The following RBFOX1 variants were observed in gnomAD, a reference collection of about 807,000 sequenced individuals.
RBFOX1 encodes the protein RNA binding fox-1 homolog 1, also known as RNA binding protein fox-1 homolog 1.
Under a neutral mutation model 57.7 loss-of-function variants are expected in RBFOX1, and 8 were observed. The ratio of observed to expected loss-of-function variants is 0.14; its 90% confidence interval spans 0.08 to 0.25. The LOEUF (loss-of-function observed/expected upper bound fraction) is 0.25, where lower values mean the gene tolerates loss of function less well. Among genes scored for constraint, RBFOX1 ranks in the 10% least tolerant of loss-of-function variants. RBFOX1 has a pLI of 1.00. For missense variants in RBFOX1, 611 were observed against 548.5 expected (o/e 1.11, Z -1.14); for synonymous variants, 326 against 222.4 (o/e 1.47, Z -4.15).
intron 4 of RBFOX1, among the ~76,000 whole-genome samples, chr16:7,441,334 C>T (rs539283499): frequency 6.6e-6 from 1 of 152,090 alleles, no homozygotes; most frequent in South Asian, 2.1e-4. Flanking sequence ...TGGTGAAATG[C>T]CTTGGAAACT....
chr16:7,068,733 C>G (rs2056698185), intron 4 of RBFOX1, among the ~76,000 whole-genome samples: 1 of 152,006 alleles, frequency 6.6e-6, no homozygotes, highest in Non-Finnish European at 1.5e-5. Context: ...GATTACAGGT[C>G]CCTGCCACCA....
At chr16:6,567,421 C>T (rs762099754) in intron 2 of RBFOX1, among the ~76,000 whole-genome samples, 1 of 152,184 alleles carries the variant, frequency 6.6e-6, no homozygotes, top group Admixed American at 6.5e-5. Flanking sequence ...AGCCTCTTGG[C>T]TGGCAGTTCT....
intron 3 of RBFOX1, among the ~76,000 whole-genome samples, chr16:6,975,233 C>G (rs78139647): frequency 0.055 from 8,287 of 151,382 alleles, 252 homozygotes; most frequent in African/African-American, 0.072. Context: ...GAGGCCACCA[C>G]AATACTCAAC....
intron 2 of RBFOX1, among the ~76,000 whole-genome samples, chr16:6,385,939 C>G (rs113353458): frequency 1.4e-5 from 1 of 71,382 alleles, no homozygotes; most frequent in African/African-American, 4.4e-5. Flanking sequence ...TTTTTTCTTT[C>G]TTTTTTTTTT....
intron 1 of RBFOX1, among the ~76,000 whole-genome samples, chr16:6,227,480 T>C (rs1383677062): frequency 1.3e-5 from 2 of 152,124 alleles, no homozygotes; most frequent in Non-Finnish European, 2.9e-5. Context: ...TCAGGGTTTT[T>C]TTTGCATTTG....
chr16:6,790,310 G>A (rs539440748), intron 3 of RBFOX1, among the ~76,000 whole-genome samples: 1 of 151,632 alleles, frequency 6.6e-6, no homozygotes, highest in African/African-American at 2.4e-5. Flanking sequence ...TCAGCTTACC[G>A]AGTAGCTGGT....
chr16:7,325,904 C>A (rs989357675), intron 4 of RBFOX1, among the ~76,000 whole-genome samples: 1 of 152,146 alleles, frequency 6.6e-6, no homozygotes, highest in African/African-American at 2.4e-5. Context: ...CTCTTCTCAC[C>A]TACGCTGGAT....
At chr16:6,747,421 A>T (rs528366951) in intron 3 of RBFOX1, among the ~76,000 whole-genome samples, 5 of 149,306 alleles carry the variant, frequency 3.3e-5, no homozygotes, top group Non-Finnish European at 7.4e-5. Context: ...AGAAAAAAAA[A>T]ATCTATCAGT....
intron 1 of RBFOX1, among the ~76,000 whole-genome samples, chr16:5,265,943 C>T (rs756586514): frequency 4.7e-4 from 71 of 151,974 alleles, no homozygotes; most frequent in Non-Finnish European, 7.6e-4. Context: ...GTGGGGATCT[C>T]CGGGTCTTGA....
chr16:6,598,421 T>G (rs1305605069), intron 2 of RBFOX1, among the ~76,000 whole-genome samples: 1 of 152,232 alleles, frequency 6.6e-6, no homozygotes, highest in Non-Finnish European at 1.5e-5. Context: ...AGTAAAAGTG[T>G]AACCAGTGTT....
chr16:7,660,617 C>G (rs1380420114), intron 12 of RBFOX1, among the ~76,000 whole-genome samples: 1 of 152,180 alleles, frequency 6.6e-6, no homozygotes, highest in African/African-American at 2.4e-5. Context: ...AGTTTTGTCT[C>G]AAATGTAAAG....
chr16:7,675,026 C>T (rs980355835), intron 13 of RBFOX1, among the ~76,000 whole-genome samples: 2 of 152,200 alleles, frequency 1.3e-5, no homozygotes, highest in Non-Finnish European at 2.9e-5. Context: ...TCATACCACA[C>T]ACATTCTCTC....
In RBFOX1 at chr16:5,648,470, T is replaced by A. The variant is rs138858058; in HGVS notation, c.318+49509T>A. 2.2e-4 allele frequency among the ~76,000 whole-genome samples: 34 copies of A among 152,270 alleles called. No homozygotes were observed. The East Asian group carries it at 5.8e-3, about 26-fold the overall frequency. On this transcript the variant is annotated intron_variant, in intron 3 of 19. Coordinates refer to the RBFOX1 transcript ENST00000641259. The stretch of plus-strand genomic sequence containing the variant: ...CAGGGCTTTTCAACCAAGGGTGATG[T>A]TCCCTAGGGGAATTTGGCAATGTCC...
At chr16:6,258,299 G>A (rs966093648) in intron 1 of RBFOX1, among the ~76,000 whole-genome samples, 1 of 152,060 alleles carries the variant, frequency 6.6e-6, no homozygotes, top group Non-Finnish European at 1.5e-5. Flanking sequence ...GATTATGCTT[G>A]AAGCTACAAT....
intron 1 of RBFOX1, among the ~76,000 whole-genome samples, chr16:5,417,359 C>A (rs1327462746): frequency 6.6e-6 from 1 of 152,150 alleles, no homozygotes; most frequent in African/African-American, 2.4e-5. Context: ...TTAGGTAATT[C>A]AGTAAGTCTG....
At chr16:5,426,136 T>G (rs1423065916) in intron 1 of RBFOX1, among the ~76,000 whole-genome samples, 1 of 152,120 alleles carries the variant, frequency 6.6e-6, no homozygotes. Flanking sequence ...TTCCCTAAAG[T>G]GAGTCCATTC....
At chr16:7,265,964 G>GTTTT (rs1204871254) in intron 4 of RBFOX1, among the ~76,000 whole-genome samples, 6 of 70,232 alleles carry the variant, frequency 8.5e-5, no homozygotes, top group Non-Finnish European at 1.4e-4. Flanking sequence ...GTGGGTTTTT[G>GTTTT]TTTTTTTTTT....
chr16:6,568,608 G>T (rs2097300590), intron 2 of RBFOX1, among the ~76,000 whole-genome samples: 1 of 152,082 alleles, frequency 6.6e-6, no homozygotes, highest in Admixed American at 6.6e-5. Context: ...TTATCTCAGG[G>T]CCATCTTGGG....
At chr16:5,284,255 G>A (rs970267618) in intron 1 of RBFOX1, among the ~76,000 whole-genome samples, 2 of 152,108 alleles carry the variant, frequency 1.3e-5, no homozygotes, top group African/African-American at 4.8e-5. Context: ...TCTCAGTCAG[G>A]TATGTCTTTA....
Sources: gnomAD v4.1 joint callset for allele counts (sites outside exome capture counted in the v4.1 genomes callset) on GRCh38, gnomAD v4.1.1 for gene constraint, MANE v1.5 for transcripts, NCBI Gene and HGNC (gene_info 2026-07-23, HGNC 2026-07-21) for gene names.